The following RORA variants were observed in gnomAD, a reference collection of about 807,000 sequenced individuals.
The protein encoded by RORA is nuclear receptor ROR-alpha.
In RORA, 7 loss-of-function variants were observed where a neutral mutation model predicts 69.5. The observed-to-expected ratio is 0.10, with a 90% CI of 0.06 to 0.19. The LOEUF (loss-of-function observed/expected upper bound fraction) is 0.19, where lower values mean the gene tolerates loss of function less well. RORA is among the 10% of genes least tolerant of loss of function. The probability of loss-of-function intolerance (pLI) is 1.00; values close to 1 mark genes in which losing one functional copy is unlikely to be tolerated. For missense variants in RORA, 457 were observed against 663.0 expected (o/e 0.69, Z 3.41); for synonymous variants, 261 against 240.8 (o/e 1.08, Z -0.78).
At chr15:60,774,664 T>G (rs998061251) in intron 1 of RORA, among the ~76,000 whole-genome samples, 1 of 152,162 alleles carries the variant, frequency 6.6e-6, no homozygotes, top group Non-Finnish European at 1.5e-5. Context: ...TTTATCTTCC[T>G]TTACACTAAA....
In RORA at chr15:60,939,802, G is replaced by A. The variant is rs149702819; in HGVS notation, c.167-261116C>T. ...CAATGTTTATGCACGGGACAGTGCC[G>A]TTCACTGGACTTCCCTCTTTTCCCT... On this transcript the variant is annotated intron_variant, in intron 1 of 10. Coordinates refer to ENST00000335670, the MANE Select transcript of RORA (RefSeq NM_134261.3). 1.1e-3 allele frequency among the ~76,000 whole-genome samples: 172 copies of A among 152,308 alleles called. 1 individual carries two copies. Among genetic ancestry groups the A allele is most frequent in the African/African-American group, 3.6e-3 (148 of 41,554 alleles).
intron 1 of RORA, among the ~76,000 whole-genome samples, chr15:60,949,924 G>A (rs1021657947): frequency 6.6e-6 from 1 of 152,134 alleles, no homozygotes; most frequent in Non-Finnish European, 1.5e-5. Context: ...GCTAGAAACT[G>A]AATCTTAAAG....
At chr15:60,567,337 G>A (rs1317719928) in intron 2 of RORA, among the ~76,000 whole-genome samples, 1 of 151,812 alleles carries the variant, frequency 6.6e-6, no homozygotes, top group Non-Finnish European at 1.5e-5. Flanking sequence ...CCTGCCTAGG[G>A]GCACTAAATG....
chr15:60,513,065 T>C (rs1396202067), intron 4 of RORA, among the ~76,000 whole-genome samples: 1 of 152,188 alleles, frequency 6.6e-6, no homozygotes, highest in African/African-American at 2.4e-5. Context: ...GGACACGAAG[T>C]TGGGAACCAA....
chr15:60,859,447 G>A (rs1314134603), intron 1 of RORA, among the ~76,000 whole-genome samples: 7 of 150,144 alleles, frequency 4.7e-5, no homozygotes, highest in South Asian at 2.1e-4. Flanking sequence ...CTCCACCCCA[G>A]ACTTACTGAA....
chr15:60,804,213 G>A lies in RORA; in HGVS notation c.167-125527C>T, dbSNP rs111798626. On this transcript the variant is annotated intron_variant, in intron 1 of 10. Transcript: ENST00000335670. ...GGAGGCAGGAGAATTGCTTGAACCC[G>A]GGAGGCGGAGGTTGCAGTTAGCCGA... is the stretch of plus-strand genomic sequence containing the variant. 2.7e-3 allele frequency among the ~76,000 whole-genome samples: 391 copies of A among 146,922 alleles called. 2 individuals are homozygous for A. The highest frequency in any genetic ancestry group is 9.3e-3 in the African/African-American group (367 of 39,640).
chr15:60,800,642 T>G (rs2072566499), intron 1 of RORA, among the ~76,000 whole-genome samples: 1 of 152,102 alleles, frequency 6.6e-6, no homozygotes, highest in Non-Finnish European at 1.5e-5. Flanking sequence ...GCGAGAGACT[T>G]TCCCTGAGCC....
intron 2 of RORA, among the ~76,000 whole-genome samples, chr15:60,660,887 G>A (rs1325874341): frequency 6.6e-6 from 1 of 152,142 alleles, no homozygotes; most frequent in Non-Finnish European, 1.5e-5. Flanking sequence ...GCAAGAAAGT[G>A]GAGGCTTCCT....
intron 1 of RORA, among the ~76,000 whole-genome samples, chr15:60,737,728 C>A (rs1359458776): frequency 6.6e-6 from 1 of 152,216 alleles, no homozygotes; most frequent in African/African-American, 2.4e-5. Flanking sequence ...ATATCCCCTG[C>A]ATTCCATAGA....
At chr15:60,872,736 A>G (rs956720184) in intron 1 of RORA, among the ~76,000 whole-genome samples, 7 of 152,114 alleles carry the variant, frequency 4.6e-5, no homozygotes, top group African/African-American at 1.7e-4. Context: ...TTCTTGCACA[A>G]TTCCCCAGCA....
intron 1 of RORA, among the ~76,000 whole-genome samples, chr15:60,922,840 C>T (rs1892094275): frequency 6.6e-6 from 1 of 152,194 alleles, no homozygotes; most frequent in South Asian, 2.1e-4. Context: ...GTCAAAACTA[C>T]ATCTAATACT....
At chr15:60,926,415 AGTCACTGG>A (rs1166149405) in intron 1 of RORA, among the ~76,000 whole-genome samples, 1 of 152,232 alleles carries the variant, frequency 6.6e-6, no homozygotes, top group Admixed American at 6.5e-5. Flanking sequence ...TTGGAGACCG[AGTCACTGG>A]GTAGATTATA....
In RORA at chr15:61,131,040, T is replaced by A. The variant is rs1366513103; in HGVS notation, c.166+98013A>T. ...CATATAAATAACTTCAGTACACGTG[T>A]ACAGTTCAGACGATGCACCTACTAC... On this transcript the variant is annotated intron_variant, in intron 1 of 10. Coordinates refer to ENST00000335670, the MANE Select transcript of RORA (RefSeq NM_134261.3). This position sits in a 1 kb window ranked among gnomAD's most constrained non-coding sequence, Gnocchi z 4.2. Among the ~76,000 whole-genome samples the A allele has an allele frequency of 6.6e-6, 1 of 152,176 alleles. No homozygotes were observed. Among genetic ancestry groups the A allele is most frequent in the Non-Finnish European group, 1.5e-5 (1 of 68,038 alleles).
intron 1 of RORA, among the ~76,000 whole-genome samples, chr15:60,819,669 C>CTGAG (rs1368039590): frequency 1.3e-5 from 2 of 151,464 alleles, no homozygotes; most frequent in Admixed American, 1.3e-4. Context: ...TTCCTCGGAC[C>CTGAG]TGAGTGGATG....
intron 1 of RORA, among the ~76,000 whole-genome samples, chr15:60,926,814 T>G (rs1892232181): frequency 6.6e-6 from 1 of 152,176 alleles, no homozygotes; most frequent in Non-Finnish European, 1.5e-5. Context: ...AGCTACTATA[T>G]CATTGACTAA....
At chr15:60,831,165 T>A (rs984540439) in intron 1 of RORA, among the ~76,000 whole-genome samples, 2 of 152,234 alleles carry the variant, frequency 1.3e-5, no homozygotes, top group Non-Finnish European at 2.9e-5. Context: ...AATGTTACTG[T>A]ATTCTCTTTC....
intron 1 of RORA, among the ~76,000 whole-genome samples, chr15:61,172,930 A>C (rs997201665): frequency 2.6e-5 from 4 of 152,178 alleles, no homozygotes; most frequent in Non-Finnish European, 4.4e-5. Flanking sequence ...TTTCACCTTC[A>C]AGCCTCCTGC....
At chr15:60,774,993 G>A (rs192489906) in intron 1 of RORA, among the ~76,000 whole-genome samples, 1 of 152,044 alleles carries the variant, frequency 6.6e-6, no homozygotes, top group African/African-American at 2.4e-5. Context: ...TGTAACATTC[G>A]TTGAAGAAAG....
intron 1 of RORA, among the ~76,000 whole-genome samples, chr15:61,228,790 G>C (rs955563661): frequency 1.3e-5 from 2 of 151,848 alleles, no homozygotes; most frequent in Admixed American, 6.6e-5. Context: ...TCAAAGCCAG[G>C]GGGGTGAGCC....
Sources: gnomAD v4.1 joint callset for allele counts (sites outside exome capture counted in the v4.1 genomes callset) on GRCh38, gnomAD v4.1.1 for gene constraint, Gnocchi (gnomAD v3.1) non-coding constraint, MANE v1.5 for transcripts, NCBI Gene and HGNC (gene_info 2026-07-23, HGNC 2026-07-21) for gene names.